The following PDE4D variants were observed in gnomAD, a reference collection of about 807,000 sequenced individuals.
The protein encoded by PDE4D is phosphodiesterase 4D.
In PDE4D, 24 loss-of-function variants were observed where a neutral mutation model predicts 87.4. The ratio of observed to expected loss-of-function variants is 0.27; its 90% CI spans 0.20 to 0.39. The LOEUF (loss-of-function observed/expected upper bound fraction) is 0.39. PDE4D is among the 10% of genes least tolerant of loss of function. The pLI is 1.00. For missense variants in PDE4D, 714 were observed against 1,041.0 expected (o/e 0.69, Z 4.32); for synonymous variants, 384 against 383.2 (o/e 1.00, Z -0.02).
intron 1 of PDE4D, among the ~76,000 whole-genome samples, chr5:59,331,024 C>T (rs1275821972): frequency 1.3e-5 from 2 of 152,060 alleles, no homozygotes; most frequent in African/African-American, 2.4e-5. Context: ...TTGAGAGCTC[C>T]GTTATCACTG....
Position 59,610,492 on chromosome 5 carries a change from G to T in PDE4D, c.455+282676C>A, listed in dbSNP as rs7726755. On this transcript the variant is annotated intron_variant, in intron 1 of 14. Transcript: ENST00000340635. ...AAGAATTTAAAATCCTCTTCACCAGGATCTTATTTTGGTCTAGAACAGATT... is the reference window on the plus strand; with the variant it reads ...AAGAATTTAAAATCCTCTTCACCAGTATCTTATTTTGGTCTAGAACAGATT... Among the ~76,000 whole-genome samples the T allele has an allele frequency of 9.8e-3, 1,495 of 152,176 alleles. 24 individuals are homozygous for T. Among genetic ancestry groups the T allele is most frequent in the African/African-American group, 0.032 (1,345 of 41,516 alleles).
intron 1 of PDE4D, among the ~76,000 whole-genome samples, chr5:59,382,969 C>G (rs1418440957): frequency 1.3e-5 from 2 of 152,176 alleles, no homozygotes; most frequent in African/African-American, 2.4e-5. Flanking sequence ...TTATTTTATG[C>G]CAATACTTTG....
At chr5:60,506,597 T>A (rs909147145) in intron 1 of PDE4D, among the ~76,000 whole-genome samples, 1 of 151,266 alleles carries the variant, frequency 6.6e-6, no homozygotes, top group Non-Finnish European at 1.5e-5. Context: ...GAATTTAGTA[T>A]TTTTTTTTAA....
At chr5:59,668,920 A>G (rs534409078) in intron 1 of PDE4D, among the ~76,000 whole-genome samples, 5 of 66,954 alleles carry the variant, frequency 7.5e-5, no homozygotes, top group African/African-American at 2.8e-4. Flanking sequence ...AAGAAGAAGA[A>G]GAAAGAAAGA....
intron 1 of PDE4D, among the ~76,000 whole-genome samples, chr5:59,295,349 G>C (rs1768853256): frequency 6.6e-6 from 1 of 152,206 alleles, no homozygotes; most frequent in South Asian, 2.1e-4. Flanking sequence ...TATGGAAGTT[G>C]TATTTGGTGT....
intron 1 of PDE4D, among the ~76,000 whole-genome samples, chr5:59,483,965 A>G (rs1189776040): frequency 6.6e-6 from 1 of 152,234 alleles, no homozygotes; most frequent in Non-Finnish European, 1.5e-5. Flanking sequence ...AGCAAAGATT[A>G]TTATGGTCTC....
chr5:59,893,114 G>T, intron 1 of PDE4D, 54 bp downstream of exon 1: 1 of 1,492,780 alleles, frequency 6.7e-7, no homozygotes, highest in South Asian at 1.3e-5. Context: ...GAGTATTTGA[G>T]AAAAGGGGAG....
At chr5:59,285,719 C>G (rs149096081) in intron 1 of PDE4D, among the ~76,000 whole-genome samples, 1 of 152,224 alleles carries the variant, frequency 6.6e-6, no homozygotes, top group African/African-American at 2.4e-5. Flanking sequence ...TATTTGAATT[C>G]TAATAGGAAC....
chr5:59,427,002 C>T (rs1329076596), intron 1 of PDE4D, among the ~76,000 whole-genome samples: 11 of 2,698 alleles, frequency 4.1e-3, no homozygotes, highest in African/African-American at 0.016. Flanking sequence ...AAGCTATACA[C>T]ACACACACAC....
intron 5 of PDE4D, chr5:59,164,871 G>A (rs971833175): frequency 6.6e-6 from 1 of 152,070 alleles, no homozygotes; most frequent in Admixed American, 6.5e-5. Flanking sequence ...GACAGATTTA[G>A]AGACAGAGGC....
In PDE4D at chr5:59,240,961, A is replaced by T. The variant is rs542706131; in HGVS notation, c.456-24993T>A. Among the ~76,000 whole-genome samples, 31 of 152,264 alleles carry T rather than the reference A, an allele frequency of 2.0e-4. 1 individual carries two copies. In the Middle Eastern group the frequency reaches 0.014, roughly 67 times the overall value. ...ATTTAGTCTCTTTAAATTTCATTTT[A>T]AAAATGGGAATGAAAACAGTACCTA... On this transcript the variant is annotated intron_variant, in intron 1 of 14. Transcript: ENST00000340635.
intron 1 of PDE4D, among the ~76,000 whole-genome samples, chr5:59,738,889 C>T (rs1758457470): frequency 6.6e-6 from 1 of 151,454 alleles, no homozygotes; most frequent in Admixed American, 6.6e-5. Flanking sequence ...AAATTTTTAT[C>T]TAAATATCAT....
chr5:60,140,749 G>C (rs1418016028), intron 2 of PDE4D, among the ~76,000 whole-genome samples: 1 of 152,046 alleles, frequency 6.6e-6, no homozygotes, highest in African/African-American at 2.4e-5. Context: ...GTAAACTGTA[G>C]AACCTAACAA....
At chr5:59,248,493 T>G (rs958706077) in intron 1 of PDE4D, among the ~76,000 whole-genome samples, 2 of 152,026 alleles carry the variant, frequency 1.3e-5, no homozygotes, top group Admixed American at 6.6e-5. Flanking sequence ...TTTTGTCTTA[T>G]GCTACTGTAA....
intron 1 of PDE4D, among the ~76,000 whole-genome samples, chr5:59,575,678 T>G (rs1252294238): frequency 6.6e-6 from 1 of 152,096 alleles, no homozygotes; most frequent in Non-Finnish European, 1.5e-5. Context: ...GAAATTAATA[T>G]TAAAAGCCGT....
At chr5:60,497,706 A>G (rs2150242511) in intron 1 of PDE4D, among the ~76,000 whole-genome samples, 1 of 152,244 alleles carries the variant, frequency 6.6e-6, no homozygotes, top group South Asian at 2.1e-4. Flanking sequence ...CACACCAGCC[A>G]CCTGTAATTC....
At chr5:60,004,275 T>A (rs1764273463) in intron 2 of PDE4D, among the ~76,000 whole-genome samples, 1 of 152,148 alleles carries the variant, frequency 6.6e-6, no homozygotes, top group South Asian at 2.1e-4. Context: ...TAGTTTTACC[T>A]TGGTATCCAT....
At chr5:59,693,671 C>T (rs1022987045) in intron 1 of PDE4D, among the ~76,000 whole-genome samples, 7 of 152,044 alleles carry the variant, frequency 4.6e-5, no homozygotes, top group African/African-American at 1.7e-4. Context: ...ATCCAAGGAG[C>T]AAAGTTATTT....
intron 1 of PDE4D, among the ~76,000 whole-genome samples, chr5:59,426,455 T>C (rs1332790907): frequency 6.6e-6 from 1 of 152,172 alleles, no homozygotes; most frequent in South Asian, 2.1e-4. Flanking sequence ...CCAGCGATAA[T>C]AGGGAGAGCA....
Sources: gnomAD v4.1 joint callset for allele counts (sites outside exome capture counted in the v4.1 genomes callset) on GRCh38, gnomAD v4.1.1 for gene constraint, MANE v1.5 for transcripts, NCBI Gene and HGNC (gene_info 2026-07-23, HGNC 2026-07-21) for gene names.